The following PRKD1 variants were observed in gnomAD, a reference collection of about 807,000 sequenced individuals.
PRKD1 encodes the protein serine/threonine-protein kinase D1.
Under a neutral mutation model 95.9 loss-of-function variants are expected in PRKD1, and 63 were observed. That is an observed-to-expected ratio of 0.66 (90% CI 0.54 to 0.81). PRKD1 has a LOEUF of 0.81. Ranked by LOEUF, PRKD1 falls within the 30% of genes least tolerant of loss-of-function variation. The pLI, the probability that PRKD1 is intolerant of heterozygous loss-of-function variation, is 0.00. For synonymous variants in PRKD1, 425 were observed against 423.1 expected (o/e 1.00, Z -0.05); for missense variants, 1,048 against 1,165.3 (o/e 0.90, Z 1.47).
chr14:29,745,701 A>T (rs1487367932), intron 1 of PRKD1, among the ~76,000 whole-genome samples: 1 of 151,824 alleles, frequency 6.6e-6, no homozygotes, highest in African/African-American at 2.4e-5. Context: ...GGTCTCAAAC[A>T]TCTGGCCTCA....
intron 1 of PRKD1, among the ~76,000 whole-genome samples, chr14:29,855,236 A>T (rs1892452592): frequency 6.6e-6 from 1 of 152,186 alleles, no homozygotes; most frequent in South Asian, 2.1e-4. Context: ...ATGTCGGCCC[A>T]TGAAAACAGC....
chr14:29,668,548 A>C (rs1882655086), intron 2 of PRKD1, among the ~76,000 whole-genome samples: 1 of 152,194 alleles, frequency 6.6e-6, no homozygotes, highest in African/African-American at 2.4e-5. Flanking sequence ...GTCATTGAGC[A>C]TTTGAAACAG....
intron 13 of PRKD1, among the ~76,000 whole-genome samples, chr14:29,615,252 A>AG (rs1368936072): frequency 1.3e-5 from 2 of 152,338 alleles, no homozygotes; most frequent in African/African-American, 4.8e-5. Context: ...GTACATTTAA[A>AG]GGAGTGATAT....
At chr14:29,645,761 C>T (rs1403985907) in intron 4 of PRKD1, among the ~76,000 whole-genome samples, 2 of 152,044 alleles carry the variant, frequency 1.3e-5, no homozygotes, top group Non-Finnish European at 2.9e-5. Flanking sequence ...TTACTCTTTC[C>T]CTTTCTTCAT....
intron 2 of PRKD1, among the ~76,000 whole-genome samples, chr14:29,694,102 T>C (rs554631354): frequency 6.6e-6 from 1 of 152,294 alleles, no homozygotes; most frequent in South Asian, 2.1e-4. Flanking sequence ...CCAATAGTTC[T>C]TCCTACTGTT....
chr14:29,889,595 T>C (rs10133259), intron 1 of PRKD1, among the ~76,000 whole-genome samples: 58,954 of 151,990 alleles, frequency 0.39, 11,835 homozygotes, highest in African/African-American at 0.49. Flanking sequence ...TGCAGGCACA[T>C]GGATGAAGCT....
chr14:29,598,933 G>A (rs1418859929), intron 15 of PRKD1, 94 bp downstream of exon 15: 2 of 1,055,362 alleles, frequency 1.9e-6, no homozygotes, highest in East Asian at 2.4e-5. Flanking sequence ...AACAAATAAA[G>A]GTTTTAAGGG....
At chr14:29,789,075 C>T (rs1036022136) in intron 1 of PRKD1, among the ~76,000 whole-genome samples, 1 of 151,952 alleles carries the variant, frequency 6.6e-6, no homozygotes, top group African/African-American at 2.4e-5. Flanking sequence ...TTTGTAGAGA[C>T]AGGGTCTCAT....
Position 29,916,821 on chromosome 14 carries a change from T to G in PRKD1, c.264+10428A>C, listed in dbSNP as rs1894907165. On this transcript the variant is annotated intron_variant, in intron 1 of 17. Coordinates refer to ENST00000331968, the MANE Select transcript of PRKD1 (RefSeq NM_002742.3). Reference sequence around the variant, plus strand: ...AAGTCTCACCCTAATAATCTCTTTTTCCCGTGGCAAAGAAGTCACACTGAA... The same window carrying G: ...AAGTCTCACCCTAATAATCTCTTTTGCCCGTGGCAAAGAAGTCACACTGAA... Among the ~76,000 whole-genome samples, 3 of 152,268 alleles carry G rather than the reference T, an allele frequency of 2.0e-5. No homozygotes were observed. In the South Asian group the frequency reaches 6.2e-4, roughly 32 times the overall value.
intron 4 of PRKD1, among the ~76,000 whole-genome samples, chr14:29,647,427 C>T (rs748888291): frequency 4.6e-5 from 7 of 152,140 alleles, no homozygotes; most frequent in Non-Finnish European, 7.4e-5. Flanking sequence ...AAAATAACTG[C>T]ATGTCAACAA....
At chr14:29,590,591 TAACTC>T (rs1403895232) in intron 16 of PRKD1, among the ~76,000 whole-genome samples, 5 of 152,140 alleles carry the variant, frequency 3.3e-5, no homozygotes, top group Admixed American at 6.5e-5. Context: ...TAATTATAGT[TAACTC>T]AGACACGCTT....
intron 17 of PRKD1, 98 bp downstream of exon 17, chr14:29,578,177 C>A: frequency 1.1e-6 from 1 of 929,678 alleles, no homozygotes; most frequent in East Asian, 2.7e-5. Flanking sequence ...TTAGAATAAT[C>A]ACACTTTAAA....
intron 1 of PRKD1, among the ~76,000 whole-genome samples, chr14:29,877,732 A>C (rs2139389483): frequency 6.6e-6 from 1 of 152,350 alleles, no homozygotes; most frequent in East Asian, 1.9e-4. Context: ...AGCACCATTT[A>C]TTGGATGGCA....
chr14:29,740,006 A>G (rs1478238158), intron 1 of PRKD1, among the ~76,000 whole-genome samples: 7 of 152,252 alleles, frequency 4.6e-5, no homozygotes, highest in Non-Finnish European at 1.0e-4. Context: ...GTTCATATCA[A>G]GCAATTACAG....
At chr14:29,577,948 T>C (rs192747515) in intron 17 of PRKD1, among the ~76,000 whole-genome samples, 118 of 152,266 alleles carry the variant, frequency 7.7e-4, no homozygotes, top group Non-Finnish European at 1.5e-3. Context: ...GGATTACACA[T>C]ACAGATGCTT....
chr14:29,588,802 GT>G (rs1893023656), intron 16 of PRKD1, among the ~76,000 whole-genome samples: 1 of 102,504 alleles, frequency 9.8e-6, no homozygotes, highest in Non-Finnish European at 2.0e-5. Context: ...GTGTGTGTGT[GT>G]GTGTGTGTGT....
chr14:29,884,845 G>T (rs1271130529), intron 1 of PRKD1, among the ~76,000 whole-genome samples: 2 of 152,198 alleles, frequency 1.3e-5, no homozygotes, highest in Non-Finnish European at 2.9e-5. Flanking sequence ...TTAGTAGGCT[G>T]GGCGCAGTGG....
At chr14:29,726,118 G>C (rs1397162648) in intron 1 of PRKD1, among the ~76,000 whole-genome samples, 1 of 152,028 alleles carries the variant, frequency 6.6e-6, no homozygotes, top group Non-Finnish European at 1.5e-5. Flanking sequence ...GTCTGTTTTG[G>C]CATATTCAAA....
chr14:29,582,752 G>A (rs1892792537), intron 16 of PRKD1, among the ~76,000 whole-genome samples: 1 of 152,156 alleles, frequency 6.6e-6, no homozygotes, highest in Non-Finnish European at 1.5e-5. Flanking sequence ...AGGGAAAAAA[G>A]AGCCCAACTG....
Sources: gnomAD v4.1 joint callset for allele counts (sites outside exome capture counted in the v4.1 genomes callset) on GRCh38, gnomAD v4.1.1 for gene constraint, MANE v1.5 for transcripts, NCBI Gene and HGNC (gene_info 2026-07-23, HGNC 2026-07-21) for gene names.